The following C5 variants were observed in gnomAD, a reference collection of about 807,000 sequenced individuals.
C5 encodes C3 and PZP-like alpha-2-macroglobulin domain-containing protein 4.
Under a neutral mutation model 218.8 loss-of-function variants are expected in C5, and 140 were observed. The ratio of observed to expected loss-of-function variants is 0.64; its 90% CI spans 0.56 to 0.74. C5 has a LOEUF of 0.74. Ranked by LOEUF, C5 falls within the 30% of genes least tolerant of loss-of-function variation. The probability of loss-of-function intolerance (pLI) is 0.00; values close to 1 mark genes in which losing one functional copy is unlikely to be tolerated. For missense variants in C5, 1,700 were observed against 1,969.6 expected, an observed-to-expected ratio of 0.86 and a Z score of 2.59; for synonymous variants, 614 against 682.3, an observed-to-expected ratio of 0.90 and a Z score of 1.56.
chr9:121,025,887 C>T (rs558781168), intron 8 of C5: 9 of 272,414 alleles, frequency 3.3e-5, no homozygotes, highest in East Asian at 8.8e-5. Flanking sequence ...GGCCTCTCAG[C>T]GTACTTCCGC....
chr9:121,021,810 T>C (rs2047368489), intron 10 of C5, 116 bp from the exon 11 acceptor site: 2 of 1,049,954 alleles, frequency 1.9e-6, no homozygotes, highest in Admixed American at 1.9e-5. Context: ...TGTATTTTTT[T>C]CTGAAAATTT....
In C5 at chr9:121,028,521, A is replaced by T. The variant is rs145450084; in HGVS notation, c.759-1247T>A. ...ATGGAATACTATGCAGGCATAAAAA[A>T]GGATGAGTTCATGTCCTTTGCAGGG... On this transcript the variant is annotated intron_variant, in intron 7 of 40. Coordinates refer to ENST00000223642, the MANE Select transcript of C5 (RefSeq NM_001735.3). Among the ~76,000 whole-genome samples, 901 of 152,360 alleles carry T rather than the reference A, an allele frequency of 5.9e-3. 10 individuals carry two copies. Among genetic ancestry groups the T allele is most frequent in the African/African-American group, 0.02 (822 of 41,584 alleles).
chr9:121,041,541 G>T (rs1232624699), intron 3 of C5, among the ~76,000 whole-genome samples: 6 of 151,918 alleles, frequency 3.9e-5, no homozygotes, highest in Non-Finnish European at 7.4e-5. Context: ...CTGACCTTGT[G>T]ATCCCCCCAC....
chr9:121,025,417 T>TACACACACACAC lies in C5; in HGVS notation c.1000+36_1000+37insGTGTGTGTGTGT, dbSNP rs748041485. The stretch of plus-strand genomic sequence containing the variant: ...TGTCTAAATATTTTTCAAAAGAAAG[T>TACACACACACAC]ATACACACACACACACACACACACA... On this transcript the variant is annotated intron_variant, in intron 9 of 40. Transcript: ENST00000223642. The TACACACACACAC allele has an allele frequency of 3.7e-3, 702 of 190,954 alleles. 6 individuals carry two copies. Among genetic ancestry groups the TACACACACACAC allele is most frequent in the African/African-American group, 0.021 (593 of 28,164 alleles). 11.8% of individuals were successfully genotyped at this position (190,954 alleles called of 1,614,324 possible).
chr9:121,052,306 A>T (rs36223434), upstream of C5, among the ~76,000 whole-genome samples: 34 of 151,984 alleles, frequency 2.2e-4, no homozygotes, highest in African/African-American at 8.2e-4. Flanking sequence ...AAAATACAAA[A>T]ATTAGCCAGG....
intron 28 of C5, 26 bp downstream of exon 28, chr9:120,980,057 G>A: frequency 6.2e-7 from 1 of 1,605,204 alleles, no homozygotes; most frequent in Non-Finnish European, 8.5e-7. Context: ...AACACTCACT[G>A]AATACATGTA....
At chr9:121,009,804 C>A (rs1375885256) in intron 17 of C5, among the ~76,000 whole-genome samples, 1 of 152,194 alleles carries the variant, frequency 6.6e-6, no homozygotes, top group Non-Finnish European at 1.5e-5. Flanking sequence ...TCCCACATCC[C>A]CTAGCAGTGA....
At chr9:120,995,932 C>T (rs573147727) in intron 22 of C5, among the ~76,000 whole-genome samples, 78 of 151,782 alleles carry the variant, frequency 5.1e-4, no homozygotes, top group Middle Eastern at 3.4e-3. Context: ...GATTCTCCTG[C>T]CTCAGCTTCC....
the C5 span, among the ~76,000 whole-genome samples, chr9:121,061,786 T>C: frequency 6.6e-6 from 1 of 152,252 alleles, no homozygotes; most frequent in Non-Finnish European, 1.5e-5. Flanking sequence ...TACATGTATA[T>C]ATATTCCATT....
At chr9:121,045,915 T>C (rs972381931) in intron 2 of C5, among the ~76,000 whole-genome samples, 6 of 152,140 alleles carry the variant, frequency 3.9e-5, no homozygotes, top group African/African-American at 1.2e-4. Context: ...TTTTCAATTA[T>C]CTCCAAATAT....
At chr9:121,066,962 T>G in the C5 span, among the ~76,000 whole-genome samples, 26 of 152,076 alleles carry the variant, frequency 1.7e-4, no homozygotes, top group African/African-American at 6.3e-4. Flanking sequence ...CTCAACAGTT[T>G]GGGTATAAAA....
At chr9:121,050,505 C>T (rs975057997), upstream of C5, among the ~76,000 whole-genome samples, 1 of 152,140 alleles carries the variant, frequency 6.6e-6, no homozygotes, top group African/African-American at 2.4e-5. Context: ...GGGAATTTGG[C>T]ACTATGAAGA....
intron 24 of C5, among the ~76,000 whole-genome samples, 195 bp from the exon 25 acceptor site, chr9:120,989,316 A>G (rs1315027539): frequency 6.6e-6 from 1 of 152,166 alleles, no homozygotes; most frequent in Non-Finnish European, 1.5e-5. Flanking sequence ...GAACATTCTG[A>G]TCTCATTCGA....
At chr9:120,969,976 C>T (rs537165112) in intron 32 of C5, among the ~76,000 whole-genome samples, 194 bp downstream of exon 32, 1 of 152,314 alleles carries the variant, frequency 6.6e-6, no homozygotes, top group East Asian at 1.9e-4. Context: ...TTAATATTAG[C>T]TTCCGACTAT....
rs368525056 is a variant in C5, at chr9:120,970,284, A to G, written c.4081-33T>C. The G allele has an allele frequency of 2.1e-5, 31 of 1,446,562 alleles. No individual in the cohort carries two copies. The African/African-American group carries it at 4.2e-4, about 20-fold the overall frequency. 89.6% of individuals were successfully genotyped at this position (1,446,562 alleles called of 1,614,324 possible). A position where few individuals can be genotyped will look rare whatever the true frequency, so the allele number is the denominator to read the frequency against. On this transcript the variant is annotated intron_variant, in intron 31 of 40. Transcript: ENST00000223642. ...GGGGACAAGTAAGCAAGAAGATTCT[A>G]TTTAAAGTGGGAAAGTGACAAAGGT...
chr9:121,071,424 C>G, the C5 span, among the ~76,000 whole-genome samples: 9 of 152,050 alleles, frequency 5.9e-5, no homozygotes, highest in African/African-American at 2.2e-4. Context: ...CTGGCTCATG[C>G]GTGTAATCCC....
chr9:120,999,034 G>A (rs2131725849), intron 20 of C5, among the ~76,000 whole-genome samples: 1 of 152,250 alleles, frequency 6.6e-6, no homozygotes, highest in South Asian at 2.1e-4. Flanking sequence ...GATTTCCTTA[G>A]AACAGCAGGG....
At chr9:120,957,991 G>A (rs1367688119) in intron 38 of C5, among the ~76,000 whole-genome samples, 1 of 152,108 alleles carries the variant, frequency 6.6e-6, no homozygotes, top group African/African-American at 2.4e-5. Context: ...CAGCTTGAAG[G>A]GACCCATTCT....
At chr9:121,055,579 C>T in the C5 span, among the ~76,000 whole-genome samples, 1 of 152,168 alleles carries the variant, frequency 6.6e-6, no homozygotes, top group Non-Finnish European at 1.5e-5. Flanking sequence ...ATTCCCGAAG[C>T]CCCCGATTCC....
Sources: allele counts gnomAD v4.1 joint callset (sites outside exome capture counted in the v4.1 genomes callset), GRCh38; gene constraint gnomAD v4.1.1; transcripts MANE v1.5; gene names NCBI Gene and HGNC (gene_info 2026-07-23, HGNC 2026-07-21).